Variants in ATP13A2 observed in about 807,000 individuals in gnomAD.
ATP13A2 encodes polyamine-transporting ATPase 13A2.
ATP13A2 carries 83 observed loss-of-function variants against 138.3 expected under a neutral mutation model. That is an observed-to-expected ratio of 0.60 (90% CI 0.50 to 0.72). ATP13A2 has a LOEUF of 0.72. Ranked by LOEUF, ATP13A2 falls within the 30% of genes least tolerant of loss-of-function variation. The probability of loss-of-function intolerance (pLI) is 0.00; values close to 1 mark genes in which losing one functional copy is unlikely to be tolerated. For synonymous variants in ATP13A2, 663 were observed against 699.0 expected (o/e 0.95, Z 0.81); for missense variants, 1,402 against 1,606.4 (o/e 0.87, Z 2.17).
intron 16 of ATP13A2, 124 bp from the exon 17 acceptor site, chr1:16,992,705 G>T: frequency 2.0e-6 from 2 of 981,644 alleles, no homozygotes; most frequent in Non-Finnish European, 3.1e-6. Context: ...GGGCTTTGGA[G>T]CCCGGTGGAC....
Position 17,005,419 on chromosome 1 carries a change from G to C in ATP13A2, c.243C>G (p.Asn81Lys). ...WGVRLRLRPC[N>K]LAHAETLVIE... ...TAACGAGTGTTTCGGCGTGGGCCAG[G>C]TTGCAGGGCCGGAGCCGCAGCCGCA... The change falls in exon 3 of 29, where the codon AAC (asparagine) becomes AAG (lysine). Residue 81 changes from asparagine (N) to lysine (K), a missense_variant. Coordinates refer to ENST00000326735, the MANE Select transcript of ATP13A2 (RefSeq NM_022089.4). The C allele has an allele frequency of 1.2e-6, 2 of 1,612,980 alleles. No individual in the cohort carries two copies. Among genetic ancestry groups the C allele is most frequent in the Non-Finnish European group, 1.7e-6 (2 of 1,179,510 alleles).
chr1:17,000,250 C>T lies in ATP13A2; in HGVS notation c.903G>A (p.Gly301=), dbSNP rs1324347711. ...CCCTGGGCCCTAGCTCCTCACCTCC[C>T]CCTGGCCGGCACACGCACACCCGCA... is the stretch of plus-strand genomic sequence containing the variant. ...LSMRVCVCRP[G]GEEEWVDSSE... The change falls in exon 10 of 29, where the codon GGG becomes GGA. Residue 301 remains glycine (G), a synonymous_variant. Transcript: ENST00000326735. 2 of 1,565,718 alleles carry T rather than the reference C, an allele frequency of 1.3e-6. No individual in the cohort carries two copies. The highest frequency in any genetic ancestry group is 1.9e-5 in the Admixed American group (1 of 52,726).
In ATP13A2 at chr1:16,994,606, G is replaced by A. The variant is rs530487845; in HGVS notation, c.1543-771C>T. ...TCCTAGACTCTAACTGCCCAAGTAC[G>A]CGTCTGGCTCCTTGGCTAGCCTGGG... On this transcript the variant is annotated intron_variant, in intron 15 of 28. Coordinates refer to ENST00000326735, the MANE Select transcript of ATP13A2 (RefSeq NM_022089.4). Among the ~76,000 whole-genome samples the A allele has an allele frequency of 2.6e-5, 4 of 152,200 alleles. No individual in the cohort carries two copies. The South Asian group carries it at 6.2e-4, about 24-fold the overall frequency.
At chr1:17,006,376 G>A (rs935553751) in intron 1 of ATP13A2, among the ~76,000 whole-genome samples, 5 of 150,934 alleles carry the variant, frequency 3.3e-5, no homozygotes, top group South Asian at 4.2e-4. Flanking sequence ...TCAGCCTCCC[G>A]AGTAGCTGGG....
At chr1:16,998,544 T>C (rs1557699029) in intron 11 of ATP13A2, among the ~76,000 whole-genome samples, 1 of 152,056 alleles carries the variant, frequency 6.6e-6, no homozygotes, top group Non-Finnish European at 1.5e-5. Flanking sequence ...GCCAGAAAAC[T>C]TCCCTGGAAA....
At chr1:17,002,239 G>C in intron 7 of ATP13A2, 57 bp downstream of exon 7, 1 of 1,594,104 alleles carries the variant, frequency 6.3e-7, no homozygotes, top group Non-Finnish European at 8.6e-7. Flanking sequence ...AACCACATTG[G>C]GGGGCAACAC....
rs147196849 is a variant in ATP13A2 at position 17,010,089 on chromosome 1, C to G, written c.10+1640G>C. Among the ~76,000 whole-genome samples, 148 of 148,880 alleles carry G rather than the reference C, an allele frequency of 9.9e-4. 1 individual carries two copies. The highest frequency in any genetic ancestry group is 1.8e-3 in the Non-Finnish European group (123 of 67,128). Reference sequence around the variant, plus strand: ...TTTTTTTGAGATGGAGTCTTCCCCCCCCGTTCCCCCCTTCCCCCCTGCCCG... The same window carrying G: ...TTTTTTTGAGATGGAGTCTTCCCCCGCCGTTCCCCCCTTCCCCCCTGCCCG... On this transcript the variant is annotated intron_variant, in intron 1 of 28. Coordinates refer to ENST00000326735, the MANE Select transcript of ATP13A2 (RefSeq NM_022089.4).
At chr1:16,989,645 C>A in intron 23 of ATP13A2, 46 bp downstream of exon 23, 1 of 1,591,082 alleles carries the variant, frequency 6.3e-7, no homozygotes. Flanking sequence ...AACGGACAAG[C>A]TCAGTCTCCG....
In ATP13A2 at chr1:17,000,513, AC is replaced by A; in HGVS notation, c.726del (p.Phe243SerfsTer43). 6.2e-7 allele frequency: 1 copy of A among 1,613,978 alleles called. No individual in the cohort carries two copies. The highest frequency in any genetic ancestry group is 8.5e-7 in the Non-Finnish European group (1 of 1,179,936). On this transcript the variant is annotated frameshift_variant, in exon 9 of 29. Coordinates refer to ENST00000326735, the MANE Select transcript of ATP13A2 (RefSeq NM_022089.4). LOFTEE classifies it high-confidence loss of function. ...LVDEALNPYY[G>X]FQAFSIALWL... ...CACAGCGCGATGCTGAAGGCCTGGA[AC>A]CCATAGTAGGGGTTCAGTGCCTGGG...
intron 16 of ATP13A2, 87 bp from the exon 17 acceptor site, chr1:16,992,668 G>A: frequency 7.3e-7 from 1 of 1,377,662 alleles, no homozygotes; most frequent in East Asian, 2.3e-5. Context: ...TTCCTTCATG[G>A]GAGACTGAAT....
At chr1:17,009,351 G>A (rs1451578843) in intron 1 of ATP13A2, among the ~76,000 whole-genome samples, 1 of 151,062 alleles carries the variant, frequency 6.6e-6, no homozygotes, top group East Asian at 1.9e-4. Context: ...GAAGGCAAAG[G>A]TGCTGGGAGT....
intron 16 of ATP13A2, among the ~76,000 whole-genome samples, 189 bp downstream of exon 16, chr1:16,993,440 G>A (rs1395838101): frequency 6.6e-6 from 1 of 152,178 alleles, no homozygotes; most frequent in Non-Finnish European, 1.5e-5. Flanking sequence ...GGGCTCAAGT[G>A]ATCCTCCCGT....
intron 15 of ATP13A2, among the ~76,000 whole-genome samples, chr1:16,994,081 C>T (rs1005174673): frequency 6.6e-5 from 10 of 152,142 alleles, no homozygotes; most frequent in African/African-American, 1.9e-4. Context: ...TCCTCCTTAA[C>T]TCCCAAGTTA....
intron 10 of ATP13A2, 27 bp from the exon 11 acceptor site, chr1:17,000,169 G>T: frequency 6.2e-7 from 1 of 1,612,192 alleles, no homozygotes; most frequent in South Asian, 1.1e-5. Flanking sequence ...GAGGAGCTCA[G>T]CTAGGTGGGG....
intron 16 of ATP13A2, among the ~76,000 whole-genome samples, chr1:16,992,843 G>A (rs540862085): frequency 4.7e-4 from 71 of 152,380 alleles, no homozygotes; most frequent in Admixed American, 1.0e-3. Context: ...TGGGGAAGAG[G>A]AAATGAGACC....
Position 17,011,922 on chromosome 1 carries a change from C to G in ATP13A2, c.-184G>C, listed in dbSNP as rs1350328850. The G allele has an allele frequency of 2.7e-6, 1 of 369,540 alleles. No homozygotes were observed. The highest frequency in any genetic ancestry group is 3.8e-6 in the Non-Finnish European group (1 of 263,858). The allele number at this position is 369,540 out of a possible 1,614,324, so 22.9% of individuals were successfully genotyped here. ...TGGGCCACCAGGCTCGGCGCGGCTC[C>G]GACACTGCCGCAGTCCCTCCGTGCG... is the stretch of plus-strand genomic sequence containing the variant. On this transcript the variant is annotated 5_prime_UTR_variant, in exon 1 of 29. Coordinates refer to ENST00000326735, the MANE Select transcript of ATP13A2 (RefSeq NM_022089.4). The surrounding 1 kb of genome is among the most constrained non-coding windows in gnomAD (Gnocchi z 7.3).
chr1:16,993,374 A>G (rs1041178523), intron 16 of ATP13A2, among the ~76,000 whole-genome samples: 3 of 152,236 alleles, frequency 2.0e-5, no homozygotes, highest in Non-Finnish European at 4.4e-5. Flanking sequence ...CGCCCGGCTA[A>G]TTTTTGTATT....
At position 16,997,258 on chromosome 1, in the gene ATP13A2, C is replaced by T. The variant is rs193273373; in HGVS notation, c.1040-83G>A. The T allele has an allele frequency of 4.5e-6, 7 of 1,552,250 alleles. No individual in the cohort carries two copies. The African/African-American group carries it at 8.1e-5, about 18-fold the overall frequency. Reference sequence around the variant, plus strand: ...AGGAGTTCTGTGTAGAATTGTCCCACAAGCTCTAAGTCTCAGTTAACTCTG... The same window carrying T: ...AGGAGTTCTGTGTAGAATTGTCCCATAAGCTCTAAGTCTCAGTTAACTCTG... On this transcript the variant is annotated intron_variant, in intron 11 of 28. Transcript: ENST00000326735.
chr1:17,008,996 G>A (rs1272069812), intron 1 of ATP13A2, among the ~76,000 whole-genome samples: 2 of 151,092 alleles, frequency 1.3e-5, no homozygotes, highest in African/African-American at 2.4e-5. Flanking sequence ...ACAGCCCAGC[G>A]GGCTCAGGGA....
Sources: gnomAD v4.1 joint callset for allele counts (sites outside exome capture counted in the v4.1 genomes callset) on GRCh38, gnomAD v4.1.1 for gene constraint, Gnocchi (gnomAD v3.1) non-coding constraint, MANE v1.5 for transcripts, NCBI Gene and HGNC (gene_info 2026-07-23, HGNC 2026-07-21) for gene names.